CCDC154: variants seen among roughly 807,000 people sequenced by gnomAD.
The protein encoded by CCDC154 is coiled-coil domain-containing protein 154.
CCDC154 carries 91 observed loss-of-function variants against 87.5 expected under a neutral mutation model. That is an observed-to-expected ratio of 1.04 (90% CI 0.88 to 1.24). The LOEUF is 1.24. CCDC154 is among the 50% of genes most tolerant of loss of function. The probability of loss-of-function intolerance (pLI) is 0.00; values close to 1 mark genes in which losing one functional copy is unlikely to be tolerated. For missense variants in CCDC154, 903 were observed against 879.2 expected (o/e 1.03, Z -0.34); for synonymous variants, 418 against 400.4 (o/e 1.04, Z -0.52).
chr16:1,444,017 A>G lies in CCDC154; in HGVS notation c.8-5T>C. 1.5e-6 allele frequency: 2 copies of G among 1,297,960 alleles called. No homozygotes were observed. The highest frequency in any genetic ancestry group is 1.5e-5 in the African/African-American group (1 of 65,980). 80.4% of individuals were successfully genotyped at this position (1,297,960 alleles called of 1,614,324 possible). A position where few individuals can be genotyped will look rare whatever the true frequency, so the allele number is the denominator to read the frequency against. ...AGGGTCCACTGTCAGCCAACTCTAC[A>G]AGGAGGCATCTTGGGAGCTTGCCCC... is the stretch of plus-strand genomic sequence containing the variant. On this transcript the variant is annotated splice_polypyrimidine_tract_variant and splice_region_variant and intron_variant, in intron 1 of 16. Coordinates refer to ENST00000389176, the MANE Select transcript of CCDC154 (RefSeq NM_001143980.3).
intron 5 of CCDC154, among the ~76,000 whole-genome samples, 154 bp downstream of exon 5, chr16:1,442,726 G>A (rs757361619): frequency 7.9e-5 from 12 of 152,372 alleles, no homozygotes; most frequent in East Asian, 5.8e-4. Context: ...GGTCCGCAGC[G>A]GGCCCAGGCT....
intron 3 of CCDC154, 41 bp from the exon 4 acceptor site, chr16:1,443,342 C>T (rs764188970): frequency 2.7e-5 from 42 of 1,535,012 alleles, no homozygotes; most frequent in Admixed American, 2.4e-4. Context: ...GACCTAGGCC[C>T]GGGTCTGGCA....
Position 1,436,202 on chromosome 16 carries a change from A to G in CCDC154, c.1488-116T>C. ...GGGTTAAGGAGGCTCGAGGGGGCTCAGCCCTGTCACCCCTCCAGTGGGGAA... is the reference window on the plus strand; with the variant it reads ...GGGTTAAGGAGGCTCGAGGGGGCTCGGCCCTGTCACCCCTCCAGTGGGGAA... On this transcript the variant is annotated intron_variant, in intron 13 of 16. Transcript: ENST00000389176. 8.5e-6 allele frequency: 8 copies of G among 944,318 alleles called. No homozygotes were observed. The South Asian group carries it at 1.3e-4, about 15-fold the overall frequency. 58.5% of individuals were successfully genotyped at this position (944,318 alleles called of 1,614,324 possible). A position where few individuals can be genotyped will look rare whatever the true frequency, so the allele number is the denominator to read the frequency against.
chr16:1,437,784 G>GCCCGGCCTGC (rs1567257553), intron 11 of CCDC154, 33 bp downstream of exon 11: 1 of 1,509,606 alleles, frequency 6.6e-7, no homozygotes, highest in Admixed American at 2.0e-5. Flanking sequence ...ACTCCCCATA[G>GCCCGGCCTGC]CCCCGCCTGC....
In CCDC154 at chr16:1,434,775, G is replaced by A; in HGVS notation, c.1770C>T (p.Gly590=). 6.5e-7 allele frequency: 1 copy of A among 1,543,582 alleles called. No homozygotes were observed. The highest frequency in any genetic ancestry group is 8.7e-7 in the Non-Finnish European group (1 of 1,146,646). The change falls in exon 16 of 17, where the codon GGC becomes GGT. Residue 590 remains glycine (G), a synonymous_variant. Transcript: ENST00000389176. ...WSEEGPRTPL[G]SWKALPSLVR... ...CCAGGGATGGGAGCGCCTTCCAGCT[G>A]CCCAGCGGCGTCCGCGGGCCCTCCT...
Position 1,434,512 on chromosome 16 carries a change from G to A in CCDC154, c.1900C>T (p.Leu634Phe). ...CTCCGCAGGGCCCTGAGCTTTATGA[G>A]GGACGCCTTCCAGCGCAGCCACCTG... ...AVRWLRWKAS[L>F]IKLRALRRPG... Residue 634 changes from leucine to phenylalanine, a missense_variant, in exon 17 of 17, where the codon CTC becomes TTC. Physicochemically the swap from Leu to Phe is conservative, Grantham distance 22. Coordinates refer to ENST00000389176, the MANE Select transcript of CCDC154 (RefSeq NM_001143980.3). 1 of 1,548,488 alleles carries A rather than the reference G, an allele frequency of 6.5e-7. No homozygotes were observed. The highest frequency in any genetic ancestry group is 8.7e-7 in the Non-Finnish European group (1 of 1,146,346).
At chr16:1,440,505 G>GAAGAGAAGAGAACAGAA (rs1567258649) in intron 6 of CCDC154, among the ~76,000 whole-genome samples, 12 of 151,214 alleles carry the variant, frequency 7.9e-5, no homozygotes, top group African/African-American at 2.4e-4. Flanking sequence ...AAAGAGAAGA[G>GAAGAGAAGAGAACAGAA]AAGAGAAGAG....
At position 1,434,804 on chromosome 16, in the gene CCDC154, T is replaced by G. The variant is rs532666257; in HGVS notation, c.1741A>C (p.Ser581Arg). ...AGCGGCGTCCGCGGGCCCTCCTCAC[T>G]CCACAGCCGGAGCACACTCTCCCAC... ...TLWESVLRLWSEEGPRTPLGS... is the reference protein window; with the variant it reads ...TLWESVLRLWREEGPRTPLGS... Residue 581 changes from serine (S) to arginine (R), a missense_variant, in exon 16 of 17, where the codon AGT becomes CGT. By Grantham distance (110) the Ser-to-Arg change is moderately radical. Coordinates refer to ENST00000389176, the MANE Select transcript of CCDC154 (RefSeq NM_001143980.3). 43 of 1,537,588 alleles carry G rather than the reference T, an allele frequency of 2.8e-5. No individual in the cohort carries two copies. The highest frequency in any genetic ancestry group is 3.6e-5 in the Non-Finnish European group (41 of 1,145,004).
chr16:1,444,342 C>T lies in CCDC154; in HGVS notation c.-20G>A, dbSNP rs924448754. 1 of 1,301,148 alleles carries T rather than the reference C, an allele frequency of 7.7e-7. No individual in the cohort carries two copies. The highest frequency in any genetic ancestry group is 1.0e-6 in the Non-Finnish European group (1 of 988,798). The allele number at this position is 1,301,148 out of a possible 1,614,324, so 80.6% of individuals were successfully genotyped here. ...TGACATGGCTGCTGGGCTGCACCGG[C>T]CACCCTGCCCTCGGCTGTAGCTTGG... On this transcript the variant is annotated 5_prime_UTR_variant, in exon 1 of 17. Transcript: ENST00000389176.
chr16:1,439,158 CCTCT>C, intron 6 of CCDC154, 32 bp from the exon 7 acceptor site: 3 of 1,535,716 alleles, frequency 2.0e-6, no homozygotes, highest in Non-Finnish European at 2.6e-6. Flanking sequence ...CCGTGTGCAG[CCTCT>C]GCTGGACACG....
intron 3 of CCDC154, 62 bp from the exon 4 acceptor site, chr16:1,443,363 G>C (rs1476465683): frequency 6.6e-7 from 1 of 1,516,704 alleles, no homozygotes; most frequent in Admixed American, 2.3e-5. Flanking sequence ...CCTGCCCCTG[G>C]AGTCCACCCA....
intron 13 of CCDC154, 44 bp downstream of exon 13, chr16:1,436,401 G>A (rs2038502219): frequency 6.8e-7 from 1 of 1,478,456 alleles, no homozygotes; most frequent in East Asian, 2.5e-5. Flanking sequence ...CCCAGTAACG[G>A]TCAGCAGAGC....
At chr16:1,435,366 C>T (rs935826294) in intron 14 of CCDC154, 191 bp from the exon 15 acceptor site, 5 of 614,220 alleles carry the variant, frequency 8.1e-6, no homozygotes, top group Non-Finnish European at 1.2e-5. Flanking sequence ...TGAGAGTGGC[C>T]CTGCGGGGAC....
Position 1,434,814 on chromosome 16 carries a change from G to T in CCDC154, c.1731C>A (p.Leu577=). ...GCGGGCCCTCCTCACTCCACAGCCG[G>T]AGCACACTCTCCCACAGGGTGGCCA... ...QEMATLWESV[L]RLWSEEGPRT... Residue 577 remains leucine (L), a synonymous_variant, in exon 16 of 17, where the codon CTC becomes CTA. Coordinates refer to ENST00000389176, the MANE Select transcript of CCDC154 (RefSeq NM_001143980.3). The T allele has an allele frequency of 6.5e-7, 1 of 1,534,312 alleles. No individual in the cohort carries two copies. The highest frequency in any genetic ancestry group is 8.7e-7 in the Non-Finnish European group (1 of 1,143,510).
At chr16:1,443,732 C>T (rs1044147023) in intron 2 of CCDC154, 37 bp from the exon 3 acceptor site, 24 of 1,301,582 alleles carry the variant, frequency 1.8e-5, no homozygotes, top group African/African-American at 3.0e-5. Flanking sequence ...TGGCGGTGCC[C>T]GCCGTGGAGG....
Position 1,434,789 on chromosome 16 carries a change from G to A in CCDC154, c.1756C>T (p.Arg586Trp), listed in dbSNP as rs200299810. 7.7e-4 allele frequency: 1,182 copies of A among 1,541,164 alleles called. 1 individual carries two copies. Among genetic ancestry groups the A allele is most frequent in the Non-Finnish European group, 9.1e-4 (1,044 of 1,146,194 alleles). Residue 586 changes from arginine (R) to tryptophan (W), a missense_variant, in exon 16 of 17, where the codon CGG (arginine) becomes TGG (tryptophan). Arg to Trp is a moderately radical substitution (Grantham distance 101). Coordinates refer to ENST00000389176, the MANE Select transcript of CCDC154 (RefSeq NM_001143980.3). The part of the protein sequence containing the change: ...VLRLWSEEGP[R>W]TPLGSWKALP... ...GCCTTCCAGCTGCCCAGCGGCGTCC[G>A]CGGGCCCTCCTCACTCCACAGCCGG...
intron 5 of CCDC154, 145 bp from the exon 6 acceptor site, chr16:1,442,674 C>T (rs190706128): frequency 2.7e-5 from 29 of 1,088,942 alleles, no homozygotes; most frequent in Middle Eastern, 2.4e-4. Context: ...AACACAGCAC[C>T]GGTGGCAGGG....
intron 6 of CCDC154, 43 bp from the exon 7 acceptor site, chr16:1,439,169 C>G (rs1290643901): frequency 1.3e-6 from 2 of 1,510,852 alleles, no homozygotes; most frequent in African/African-American, 2.8e-5. Context: ...CTCTGCTGGA[C>G]ACGCAGCCGG....
At position 1,439,024 on chromosome 16, in the gene CCDC154, C is replaced by G. The variant is rs2038527978; in HGVS notation, c.777+1G>C. The G allele has an allele frequency of 1.5e-5, 24 of 1,550,124 alleles. No individual in the cohort carries two copies. The highest frequency in any genetic ancestry group is 1.8e-5 in the Non-Finnish European group (21 of 1,146,906). ...CAGGCCAGCCGCGGGCAGGCTCCCACCTTCTCCAGGGCCAGGAAGCTCTTC... is the reference window on the plus strand; with the variant it reads ...CAGGCCAGCCGCGGGCAGGCTCCCAGCTTCTCCAGGGCCAGGAAGCTCTTC... On this transcript the variant is annotated splice_donor_variant, in intron 7 of 16. Transcript: ENST00000389176. LOFTEE classifies it high-confidence loss of function.
Sources: allele counts gnomAD v4.1 joint callset (sites outside exome capture counted in the v4.1 genomes callset), GRCh38; gene constraint gnomAD v4.1.1; transcripts MANE v1.5; gene names NCBI Gene and HGNC (gene_info 2026-07-23, HGNC 2026-07-21).